The following ANKRD36B variants were observed in gnomAD, a reference collection of about 807,000 sequenced individuals.
ANKRD36B encodes ankyrin repeat domain-containing protein 36B.
ANKRD36B carries 37 observed loss-of-function variants against 135.7 expected under a neutral mutation model. That is an observed-to-expected ratio of 0.27 (90% CI 0.21 to 0.36). ANKRD36B has a LOEUF of 0.36. ANKRD36B is among the 10% of genes least tolerant of loss of function. The pLI, the probability that ANKRD36B is intolerant of heterozygous loss-of-function variation, is 1.00. For missense variants in ANKRD36B, 549 were observed against 1,037.1 expected (o/e 0.53, Z 6.46); for synonymous variants, 179 against 348.1 (o/e 0.51, Z 5.41).
chr2:97,535,514 G>C (rs1206709257), intron 34 of ANKRD36B, among the ~76,000 whole-genome samples: 2 of 118,866 alleles, frequency 1.7e-5, no homozygotes, highest in Non-Finnish European at 2.1e-5. Context: ...CACACACACA[G>C]TGTGCTAATC....
chr2:97,568,042 C>T (rs2081573302), intron 6 of ANKRD36B, among the ~76,000 whole-genome samples: 1 of 152,172 alleles, frequency 6.6e-6, no homozygotes, highest in Non-Finnish European at 1.5e-5. Context: ...CTCACATTCA[C>T]ATAACTTTTA....
Position 97,585,106 on chromosome 2 carries a change from C to T in ANKRD36B, c.288G>A (p.Leu96=), listed in dbSNP as rs569103882. Residue 96 remains leucine (L), a synonymous_variant, in exon 3 of 44, where the codon CTG becomes CTA. Coordinates refer to ENST00000359901, the MANE Select transcript of ANKRD36B (RefSeq NM_001393939.1). ...DRTPLIKAVQ[L]RQEACATLLL... The stretch of plus-strand genomic sequence containing the variant: ...GAAGAGTTGCACAAGCCTCCTGCCT[C>T]AGTTGTACAGCCTGTCAGTATTAGA... 3.5e-5 allele frequency: 56 copies of T among 1,613,418 alleles called. No homozygotes were observed. In the Middle Eastern group the frequency reaches 5.0e-4, roughly 15 times the overall value.
intron 6 of ANKRD36B, among the ~76,000 whole-genome samples, chr2:97,564,670 G>A (rs2081302091): frequency 6.6e-6 from 1 of 152,160 alleles, no homozygotes; most frequent in Non-Finnish European, 1.5e-5. Flanking sequence ...GTTTGTCAAA[G>A]ATCAGATGGT....
intron 6 of ANKRD36B, among the ~76,000 whole-genome samples, chr2:97,564,573 T>C (rs1419701798): frequency 6.6e-6 from 1 of 152,170 alleles, no homozygotes. Flanking sequence ...AAGGAAGGGG[T>C]CCAGTCTCAG....
At chr2:97,557,234 C>T (rs1324201303) in intron 10 of ANKRD36B, 102 bp from the exon 11 acceptor site, 6 of 1,473,098 alleles carry the variant, frequency 4.1e-6, no homozygotes, top group Admixed American at 2.3e-5. Flanking sequence ...CCCGCCTGCA[C>T]TAGTGTAGGA....
Position 97,536,515 on chromosome 2 carries a change from A to G in ANKRD36B, c.2090-19T>C. 1 of 883,140 alleles carries G rather than the reference A, an allele frequency of 1.1e-6. No homozygotes were observed. Among genetic ancestry groups the G allele is most frequent in the Non-Finnish European group, 1.7e-6 (1 of 580,222 alleles). 54.7% of individuals were successfully genotyped at this position (883,140 alleles called of 1,614,324 possible). A position where few individuals can be genotyped will look rare whatever the true frequency, so the allele number is the denominator to read the frequency against. ...GGATACTCTAACAAGCAAGAGAAATATATAATCATATGTAAATATGGTAAG... is the reference window on the plus strand; with the variant it reads ...GGATACTCTAACAAGCAAGAGAAATGTATAATCATATGTAAATATGGTAAG... On this transcript the variant is annotated intron_variant, in intron 32 of 43. Transcript: ENST00000359901.
chr2:97,569,315 T>C (rs944661830), intron 6 of ANKRD36B, among the ~76,000 whole-genome samples: 2 of 152,190 alleles, frequency 1.3e-5, no homozygotes, highest in African/African-American at 2.4e-5. Context: ...TGTTTTGTAA[T>C]ATTGAAAAAG....
At chr2:97,558,639 C>T (rs568079517) in intron 10 of ANKRD36B, among the ~76,000 whole-genome samples, 160 bp downstream of exon 10, 2 of 152,012 alleles carry the variant, frequency 1.3e-5, no homozygotes, top group East Asian at 1.9e-4. Flanking sequence ...AAGATCATGT[C>T]GAAGACCAGC....
intron 1 of ANKRD36B, among the ~76,000 whole-genome samples, chr2:97,586,892 G>A (rs1241787469): frequency 1.3e-5 from 2 of 152,138 alleles, no homozygotes; most frequent in East Asian, 3.8e-4. Flanking sequence ...ATAAAAATAA[G>A]GCCAGGCACA....
At chr2:97,500,467 T>C (rs1299328656) in intron 43 of ANKRD36B, among the ~76,000 whole-genome samples, 1 of 92,298 alleles carries the variant, frequency 1.1e-5, no homozygotes, top group Non-Finnish European at 3.0e-5. Flanking sequence ...AGCCAAGAAT[T>C]AGCAGAAATA....
intron 14 of ANKRD36B, among the ~76,000 whole-genome samples, chr2:97,554,386 C>T (rs2080311533): frequency 6.6e-6 from 1 of 151,836 alleles, no homozygotes; most frequent in African/African-American, 2.4e-5. Context: ...TATCTTATGC[C>T]TAATAGTAGC....
At chr2:97,583,626 ATTGTTGTTG>A (rs1294119019) in intron 3 of ANKRD36B, among the ~76,000 whole-genome samples, 1 of 95,286 alleles carries the variant, frequency 1.0e-5, no homozygotes, top group African/African-American at 3.6e-5. Context: ...GAAATGTTTT[ATTGTTGTTG>A]TTGTTGTTGT....
chr2:97,498,336 G>A (rs1576749227), intron 43 of ANKRD36B, among the ~76,000 whole-genome samples: 1 of 68,002 alleles, frequency 1.5e-5, no homozygotes, highest in South Asian at 2.4e-4. Context: ...AACTGCAGAG[G>A]TCATGAATCC....
Position 97,536,642 on chromosome 2 carries a change from C to T in ANKRD36B, c.2090-146G>A, listed in dbSNP as rs4069273. The T allele has an allele frequency of 4.5e-5, 18 of 398,834 alleles. 2 individuals carry two copies. The highest frequency in any genetic ancestry group is 3.9e-4 in the East Asian group (12 of 31,100). 24.7% of individuals were successfully genotyped at this position (398,834 alleles called of 1,614,324 possible). A position where few individuals can be genotyped will look rare whatever the true frequency, so the allele number is the denominator to read the frequency against. ...CTAGTTTGTTTCTTTGGGACAGTAACATGATAGAAATGCAATAAAGAAAAT... is the reference window on the plus strand; with the variant it reads ...CTAGTTTGTTTCTTTGGGACAGTAATATGATAGAAATGCAATAAAGAAAAT... On this transcript the variant is annotated intron_variant, in intron 32 of 43. Coordinates refer to ENST00000359901, the MANE Select transcript of ANKRD36B (RefSeq NM_001393939.1).
At position 97,538,362 on chromosome 2, in the gene ANKRD36B, C is replaced by T; in HGVS notation, c.1989G>A (p.Val663=). Residue 663 remains valine (V), a splice_region_variant and synonymous_variant, in exon 31 of 44, where the codon GTG becomes GTA. Transcript: ENST00000359901. Reference sequence around the variant, plus strand: ...TCTGGGCCGATTGTTTCTGAGGAGACACTGAAAAGTAAAAGAAATATATAA... The same window carrying T: ...TCTGGGCCGATTGTTTCTGAGGAGATACTGAAAAGTAAAAGAAATATATAA... ...EIKDGEKSGT[V]SPQKQSAQKV... is the part of the protein sequence containing the mutation. 1 of 909,834 alleles carries T rather than the reference C, an allele frequency of 1.1e-6. No homozygotes were observed. Among genetic ancestry groups the T allele is most frequent in the Non-Finnish European group, 1.6e-6 (1 of 614,044 alleles). The allele number at this position is 909,834 out of a possible 1,614,324, so 56.4% of individuals were successfully genotyped here.
In ANKRD36B at chr2:97,543,810, T is replaced by C. The variant is rs1212499183; in HGVS notation, c.1763A>G (p.Asp588Gly). The C allele has an allele frequency of 3.4e-5, 7 of 204,606 alleles. No homozygotes were observed. The Admixed American group carries it at 5.3e-4, about 15-fold the overall frequency. 12.7% of individuals were successfully genotyped at this position (204,606 alleles called of 1,614,324 possible). ...SVSNIPTEIK[D>G]GQQSGTVSSQ... ...ATTACCTGTTCCAGATTGTTGTCCATCCTTTATTTCTGTGGGTATATTCGA... is the reference window on the plus strand; with the variant it reads ...ATTACCTGTTCCAGATTGTTGTCCACCCTTTATTTCTGTGGGTATATTCGA... The change falls in exon 26 of 44, where the codon GAT becomes GGT. Residue 588 changes from aspartate (D) to glycine (G), a missense_variant. Coordinates refer to ENST00000359901, the MANE Select transcript of ANKRD36B (RefSeq NM_001393939.1).
chr2:97,586,922 C>T (rs2104385890), intron 1 of ANKRD36B, among the ~76,000 whole-genome samples: 1 of 152,212 alleles, frequency 6.6e-6, no homozygotes, highest in Admixed American at 6.5e-5. Flanking sequence ...ACCTGTAATC[C>T]CAGAACTTTG....
At position 97,555,144 on chromosome 2, in the gene ANKRD36B, T is replaced by G; in HGVS notation, c.1099-12A>C. Reference sequence around the variant, plus strand: ...TTGTCACTTGCAGTCTGAAAGTAATTTGAAGCAAATTATCAATAAAGAAAG... The same window carrying G: ...TTGTCACTTGCAGTCTGAAAGTAATGTGAAGCAAATTATCAATAAAGAAAG... On this transcript the variant is annotated splice_polypyrimidine_tract_variant and intron_variant, in intron 13 of 43. Transcript: ENST00000359901. 1 of 1,611,778 alleles carries G rather than the reference T, an allele frequency of 6.2e-7. No homozygotes were observed.
intron 1 of ANKRD36B, among the ~76,000 whole-genome samples, chr2:97,588,306 A>G (rs557029654): frequency 2.0e-5 from 3 of 152,072 alleles, no homozygotes; most frequent in Non-Finnish European, 4.4e-5. Context: ...CCATTATCCA[A>G]TTCTATTAGA....
Sources: allele counts gnomAD v4.1 joint callset (sites outside exome capture counted in the v4.1 genomes callset), GRCh38; gene constraint gnomAD v4.1.1; transcripts MANE v1.5; gene names NCBI Gene and HGNC (gene_info 2026-07-23, HGNC 2026-07-21).